CCDC125: variants seen among roughly 807,000 people sequenced by gnomAD.
CCDC125 encodes the protein coiled-coil domain-containing protein 125.
CCDC125 carries 43 observed loss-of-function variants against 57.4 expected under a neutral mutation model. The observed-to-expected ratio is 0.75, with a 90% CI of 0.59 to 0.97. The LOEUF is 0.97. CCDC125 is among the 50% of genes least tolerant of loss of function. The probability of loss-of-function intolerance (pLI) is 0.00; values close to 1 mark genes in which losing one functional copy is unlikely to be tolerated. For synonymous variants in CCDC125, 187 were observed against 195.2 expected (o/e 0.96, Z 0.35); for missense variants, 563 against 595.7 (o/e 0.95, Z 0.57).
rs147337620 is a variant in CCDC125, at chr5:69,317,303, C to T, written c.304+2934G>A. Among the ~76,000 whole-genome samples the T allele has an allele frequency of 8.9e-3, 1,360 of 152,304 alleles. 19 individuals carry two copies. Among genetic ancestry groups the T allele is most frequent in the African/African-American group, 0.031 (1,309 of 41,560 alleles). ...GGATTACAGGCATGAGCCACCGCAC[C>T]TGGCATCTTCATGTTTTTATAAAGG... On this transcript the variant is annotated intron_variant, in intron 2 of 11. Transcript: ENST00000396496.
intron 1 of CCDC125, among the ~76,000 whole-genome samples, chr5:69,328,083 A>T (rs1399524303): frequency 6.6e-6 from 1 of 152,134 alleles, no homozygotes; most frequent in Non-Finnish European, 1.5e-5. Flanking sequence ...TTTAGTAGAG[A>T]CAAGGTTTCA....
chr5:69,276,570 C>T (rs751984356), downstream of CCDC125: 5 of 1,613,250 alleles, frequency 3.1e-6, no homozygotes, highest in South Asian at 2.2e-5. Flanking sequence ...TTTCAGTAAT[C>T]GGCCAGGGCC....
At chr5:69,286,775 T>C (rs540712772) in intron 10 of CCDC125, among the ~76,000 whole-genome samples, 1 of 152,236 alleles carries the variant, frequency 6.6e-6, no homozygotes, top group East Asian at 1.9e-4. Context: ...TGAGAGCAGA[T>C]GAGGGGAGAT....
chr5:69,323,033 G>A (rs1450755050), intron 1 of CCDC125, among the ~76,000 whole-genome samples: 2 of 151,854 alleles, frequency 1.3e-5, no homozygotes, highest in African/African-American at 2.4e-5. Flanking sequence ...TCGGCCTGGC[G>A]CGGTGGCTCA....
chr5:69,277,209 TAAGTA>T, downstream of CCDC125: 3 of 1,079,286 alleles, frequency 2.8e-6, no homozygotes, highest in Non-Finnish European at 4.1e-6. Context: ...TAGTAAACAT[TAAGTA>T]AATGCTGTAG....
rs1754419385 is a variant in CCDC125, at chr5:69,291,335, T to C, written c.1099+853A>G. Among the ~76,000 whole-genome samples, 3 of 152,104 alleles carry C rather than the reference T, an allele frequency of 2.0e-5. No individual in the cohort carries two copies. The South Asian group carries it at 6.2e-4, about 32-fold the overall frequency. ...CATGCTATTTTAATATATTTTTTAA[T>C]ACACAGATATAATAATACTCAATAC... On this transcript the variant is annotated intron_variant, in intron 10 of 11. Transcript: ENST00000396496.
chr5:69,292,901 C>G (rs1468171378), intron 9 of CCDC125, among the ~76,000 whole-genome samples: 1 of 138,456 alleles, frequency 7.2e-6, no homozygotes, highest in African/African-American at 2.7e-5. Context: ...AGTGCAGTGT[C>G]GTGATCTCGG....
At chr5:69,297,395 C>T (rs1166928108) in intron 8 of CCDC125, among the ~76,000 whole-genome samples, 4 of 151,726 alleles carry the variant, frequency 2.6e-5, no homozygotes, top group Admixed American at 6.6e-5. Context: ...GTTTTGCTCT[C>T]GTTGCCCAGG....
At chr5:69,322,478 C>G (rs1218541059) in intron 1 of CCDC125, among the ~76,000 whole-genome samples, 1 of 151,462 alleles carries the variant, frequency 6.6e-6, no homozygotes, top group African/African-American at 2.4e-5. Context: ...AATACCAAGG[C>G]TTTGGGAGGC....
intron 2 of CCDC125, among the ~76,000 whole-genome samples, chr5:69,316,525 C>T (rs1759133712): frequency 6.6e-6 from 1 of 152,166 alleles, no homozygotes; most frequent in Admixed American, 6.6e-5. Flanking sequence ...AAGGAACGCA[C>T]CCTGCCAACA....
In CCDC125 at chr5:69,302,835, A is replaced by T. The variant is rs971653757; in HGVS notation, c.700+1012T>A. Among the ~76,000 whole-genome samples the T allele has an allele frequency of 2.0e-5, 3 of 152,162 alleles. No homozygotes were observed. The South Asian group carries it at 6.2e-4, about 31-fold the overall frequency. ...ACATATAAATTATATACACACATAT[A>T]TATCATTTCTACTTAGGTTCTTCAA... On this transcript the variant is annotated intron_variant, in intron 7 of 11. Transcript: ENST00000396496.
chr5:69,306,971 G>A, intron 5 of CCDC125, 69 bp from the exon 6 acceptor site: 2 of 1,342,762 alleles, frequency 1.5e-6, no homozygotes, highest in South Asian at 4.7e-5. Context: ...ATTGTGAATA[G>A]CTGAAATAAA....
At chr5:69,324,154 T>G (rs988750912) in intron 1 of CCDC125, among the ~76,000 whole-genome samples, 1 of 152,228 alleles carries the variant, frequency 6.6e-6, no homozygotes, top group African/African-American at 2.4e-5. Context: ...TTAAGGAATT[T>G]CTGTCATTTT....
At chr5:69,322,626 A>G (rs1760206120) in intron 1 of CCDC125, among the ~76,000 whole-genome samples, 1 of 151,604 alleles carries the variant, frequency 6.6e-6, no homozygotes, top group Non-Finnish European at 1.5e-5. Context: ...GCCGTGGCGC[A>G]ATCTCAGCTC....
At position 69,282,915 on chromosome 5, in the gene CCDC125, C is replaced by A. The variant is rs376480098; in HGVS notation, c.1350G>T (p.Glu450Asp). The A allele has an allele frequency of 6.2e-7, 1 of 1,613,940 alleles. No individual in the cohort carries two copies. The highest frequency in any genetic ancestry group is 8.5e-7 in the Non-Finnish European group (1 of 1,179,998). Residue 450 changes from glutamate to aspartate, a missense_variant, in exon 12 of 12, where the codon GAG (glutamate) becomes GAT (aspartate). By Grantham distance (45) the Glu-to-Asp change is conservative (BLOSUM62 2). Coordinates refer to ENST00000396496, the MANE Select transcript of CCDC125 (RefSeq NM_176816.5). ...GCCAGGGGTTGTTGAAAGGGAAATT[C>A]TCTTTTATAGGATTTTTTTCTTTAT... Reference protein sequence around the residue: ...NENKEKNPIKENFPFNNPWRK... With the variant: ...NENKEKNPIKDNFPFNNPWRK...
At chr5:69,274,076 A>G in the CCDC125 span, among the ~76,000 whole-genome samples, 44 of 152,272 alleles carry the variant, frequency 2.9e-4, 1 homozygote, top group South Asian at 8.7e-3. Flanking sequence ...TCATACTTCT[A>G]TGTATATTAT....
rs1752410138 is a variant in CCDC125 at position 69,280,474 on chromosome 5, C to T, written c.*2255G>A. 6.6e-6 allele frequency: 1 copy of T among 152,222 alleles called. No individual in the cohort carries two copies. Among genetic ancestry groups the T allele is most frequent in the Non-Finnish European group, 1.5e-5 (1 of 68,046 alleles). The allele number at this position is 152,222 out of a possible 1,614,324, so 9.4% of individuals were successfully genotyped here. ...CCTCACCTCCTTATGAATAATAATG[C>T]AAAACTCCCATAAAGGGAGTTTCTC... is the stretch of plus-strand genomic sequence containing the variant. On this transcript the variant is annotated 3_prime_UTR_variant, in exon 12 of 12. Transcript: ENST00000396496.
downstream of CCDC125, chr5:69,277,034 A>T: frequency 7.6e-7 from 1 of 1,323,704 alleles, no homozygotes; most frequent in Non-Finnish European, 1.1e-6. Context: ...GTGACTGGTT[A>T]AAATTGCTAT....
the CCDC125 span, chr5:69,273,153 G>A: frequency 3.9e-6 from 3 of 762,550 alleles, no homozygotes; most frequent in Non-Finnish European, 5.9e-6. Context: ...GGAAAGATGT[G>A]TTTTTGTTTT....
Sources: gnomAD v4.1 joint callset for allele counts (sites outside exome capture counted in the v4.1 genomes callset) on GRCh38, gnomAD v4.1.1 for gene constraint, MANE v1.5 for transcripts, NCBI Gene and HGNC (gene_info 2026-07-23, HGNC 2026-07-21) for gene names.